Variants in ADAM22 observed in about 807,000 individuals in gnomAD.
ADAM22 encodes the protein disintegrin and metalloproteinase domain-containing protein 22.
Under a neutral mutation model 144.6 loss-of-function variants are expected in ADAM22, and 65 were observed. That is an observed-to-expected ratio of 0.45 (90% CI 0.37 to 0.55). The LOEUF is 0.55. Among genes scored for constraint, ADAM22 ranks in the 20% least tolerant of loss-of-function variants. The pLI, the probability that ADAM22 is intolerant of heterozygous loss-of-function variation, is 0.00. For synonymous variants in ADAM22, 391 were observed against 412.6 expected (o/e 0.95, Z 0.63); for missense variants, 974 against 1,184.9 (o/e 0.82, Z 2.61).
intron 7 of ADAM22, among the ~76,000 whole-genome samples, chr7:88,119,551 C>T (rs907855602): frequency 2.0e-5 from 3 of 152,050 alleles, no homozygotes; most frequent in Non-Finnish European, 2.9e-5. Context: ...TGCAATAGTG[C>T]GATCTCGGCT....
At chr7:88,159,207 A>G (rs1840867765) in intron 22 of ADAM22, among the ~76,000 whole-genome samples, 2 of 152,148 alleles carry the variant, frequency 1.3e-5, no homozygotes, top group South Asian at 2.1e-4. Context: ...TGAATCAGGA[A>G]GAAATTGATT....
intron 4 of ADAM22, among the ~76,000 whole-genome samples, chr7:88,095,130 C>T (rs1270709415): frequency 6.6e-6 from 1 of 152,154 alleles, no homozygotes; most frequent in Non-Finnish European, 1.5e-5. Flanking sequence ...GTGGCTTCTA[C>T]CCATTCTTAC....
intron 3 of ADAM22, among the ~76,000 whole-genome samples, chr7:88,009,981 G>A (rs76969953): frequency 0.021 from 3,161 of 151,944 alleles, 37 homozygotes; most frequent in South Asian, 0.057. Flanking sequence ...TTGTCTGAAT[G>A]CCAAAAATGT....
intron 3 of ADAM22, among the ~76,000 whole-genome samples, chr7:87,980,925 C>T (rs1378136970): frequency 2.0e-5 from 3 of 152,062 alleles, no homozygotes; most frequent in Non-Finnish European, 4.4e-5. Flanking sequence ...TAGTCCTAGG[C>T]TGCATTGGAC....
intron 26 of ADAM22, among the ~76,000 whole-genome samples, chr7:88,175,894 TTATGA>T (rs1350850966): frequency 6.6e-6 from 1 of 152,226 alleles, no homozygotes; most frequent in African/African-American, 2.4e-5. Context: ...ATTAGCTTTG[TTATGA>T]TATGTAATTA....
chr7:88,031,407 GA>G (rs1800235992), intron 3 of ADAM22, among the ~76,000 whole-genome samples: 1 of 152,218 alleles, frequency 6.6e-6, no homozygotes, highest in South Asian at 2.1e-4. Context: ...TATGGACAAT[GA>G]AGTTCAGGTT....
At chr7:88,175,924 G>A (rs1488962195) in intron 26 of ADAM22, among the ~76,000 whole-genome samples, 1 of 152,098 alleles carries the variant, frequency 6.6e-6, no homozygotes, top group Non-Finnish European at 1.5e-5. Flanking sequence ...TTGTAAAAAA[G>A]ACAAATTTCT....
At position 88,026,768 on chromosome 7, in the gene ADAM22, T is replaced by C. The variant is rs184253861; in HGVS notation, c.323+48356T>C. On this transcript the variant is annotated intron_variant, in intron 3 of 31. Transcript: ENST00000413139. ...GGTCTTCCAGTACTATGTTGAATAA[T>C]AGTGATGAAATTGGGCATCCATTGT... Among the ~76,000 whole-genome samples the C allele has an allele frequency of 3.0e-3, 458 of 152,266 alleles. 3 individuals carry two copies. The highest frequency in any genetic ancestry group is 0.011 in the African/African-American group (444 of 41,556).
Position 88,153,269 on chromosome 7 carries a change from G to T in ADAM22, c.1730G>T (p.Gly577Val). 6.2e-7 allele frequency: 1 copy of T among 1,613,382 alleles called. No homozygotes were observed. Among genetic ancestry groups the T allele is most frequent in the Non-Finnish European group, 8.5e-7 (1 of 1,179,634 alleles). Residue 577 changes from glycine to valine, a missense_variant, in exon 21 of 32, where the codon GGG becomes GTG. Physicochemically the swap from Gly to Val is moderately radical, Grantham distance 109. Coordinates refer to ENST00000413139, the MANE Select transcript of ADAM22 (RefSeq NM_001324418.2). ...TGCTATGAGAAACTGAATATTGAAG[G>T]GACGGAGAAGGGTAACTGTGGGAAA... ...KYCYEKLNIE[G>V]TEKGNCGKDK...
At chr7:88,049,560 G>A (rs1420263383) in intron 3 of ADAM22, among the ~76,000 whole-genome samples, 11 of 151,938 alleles carry the variant, frequency 7.2e-5, no homozygotes, top group African/African-American at 9.7e-5. Context: ...CACCACGCCC[G>A]GCTAATTTTG....
At chr7:88,083,413 CACCAA>C (rs1554454908) in intron 4 of ADAM22, among the ~76,000 whole-genome samples, 1 of 151,894 alleles carries the variant, frequency 6.6e-6, no homozygotes, top group Non-Finnish European at 1.5e-5. Context: ...GGGTGCAGCA[CACCAA>C]CATGGCACAT....
intron 2 of ADAM22, among the ~76,000 whole-genome samples, chr7:87,964,103 G>A (rs2129445749): frequency 6.6e-6 from 1 of 152,300 alleles, no homozygotes; most frequent in South Asian, 2.1e-4. Flanking sequence ...CTTCAGTGGT[G>A]ATCTATATCC....
At chr7:87,974,919 CCTT>C (rs1174974815) in intron 2 of ADAM22, among the ~76,000 whole-genome samples, 1 of 152,144 alleles carries the variant, frequency 6.6e-6, no homozygotes, top group African/African-American at 2.4e-5. Flanking sequence ...CACCATCATA[CCTT>C]CTTCTCTGGT....
At chr7:88,023,447 T>G (rs1032873452) in intron 3 of ADAM22, among the ~76,000 whole-genome samples, 4 of 152,120 alleles carry the variant, frequency 2.6e-5, no homozygotes, top group Non-Finnish European at 5.9e-5. Flanking sequence ...AGAGATGGAG[T>G]CTTGCTCCAT....
chr7:88,145,092 A>G lies in ADAM22; in HGVS notation c.1321-33A>G, dbSNP rs145107858. 74 of 1,600,190 alleles carry G rather than the reference A, an allele frequency of 4.6e-5. No homozygotes were observed. The East Asian group carries it at 1.3e-3, about 28-fold the overall frequency. ...CAAAGTCTTTGATGTTGATTTTTCT[A>G]TATTTTAGTTCACTTTTTGGTTTTC... On this transcript the variant is annotated intron_variant, in intron 15 of 31. Transcript: ENST00000413139.
At chr7:88,195,573 T>A (rs553008284) in intron 31 of ADAM22, among the ~76,000 whole-genome samples, 1 of 152,298 alleles carries the variant, frequency 6.6e-6, no homozygotes, top group Admixed American at 6.5e-5. Flanking sequence ...TATAGTGCAA[T>A]GTCGCGATCT....
intron 2 of ADAM22, among the ~76,000 whole-genome samples, chr7:87,970,828 C>G (rs912775888): frequency 6.6e-6 from 1 of 152,134 alleles, no homozygotes; most frequent in Non-Finnish European, 1.5e-5. Flanking sequence ...TCCTAAAATT[C>G]TGTGATTCAT....
chr7:87,942,583 A>AT (rs1842690074), intron 2 of ADAM22, among the ~76,000 whole-genome samples: 1 of 152,214 alleles, frequency 6.6e-6, no homozygotes, highest in Non-Finnish European at 1.5e-5. Context: ...AAATATATAC[A>AT]TTTTAAAGTT....
chr7:88,116,160 A>G (rs1171233497), intron 6 of ADAM22, among the ~76,000 whole-genome samples: 4 of 152,082 alleles, frequency 2.6e-5, no homozygotes, highest in African/African-American at 9.7e-5. Flanking sequence ...CCGGACTATG[A>G]CATTCTAATT....
Sources: allele counts gnomAD v4.1 joint callset (sites outside exome capture counted in the v4.1 genomes callset), GRCh38; gene constraint gnomAD v4.1.1; transcripts MANE v1.5; gene names NCBI Gene and HGNC (gene_info 2026-07-23, HGNC 2026-07-21).